BAIAP2: variants seen among roughly 807,000 people sequenced by gnomAD.
BAIAP2 encodes the protein BAR/IMD domain-containing adapter protein 2.
Under a neutral mutation model 63.0 loss-of-function variants are expected in BAIAP2, and 18 were observed. The observed-to-expected ratio is 0.29, with a 90% confidence interval of 0.20 to 0.42. The LOEUF (loss-of-function observed/expected upper bound fraction) is 0.42. Among genes scored for constraint, BAIAP2 ranks in the 10% least tolerant of loss-of-function variants. The pLI is 1.00. For missense variants in BAIAP2, 610 were observed against 734.3 expected, an observed-to-expected ratio of 0.83 and a Z score of 1.96; for synonymous variants, 386 against 307.6, an observed-to-expected ratio of 1.25 and a Z score of -2.67.
chr17:81,094,256 G>T (rs1429101756), intron 6 of BAIAP2, among the ~76,000 whole-genome samples: 1 of 152,172 alleles, frequency 6.6e-6, no homozygotes, highest in Non-Finnish European at 1.5e-5. Flanking sequence ...TGTGTGTCTA[G>T]CCCACTGGTG....
chr17:81,052,332 G>A (rs1388939709), intron 1 of BAIAP2, among the ~76,000 whole-genome samples: 1 of 152,282 alleles, frequency 6.6e-6, no homozygotes, highest in Non-Finnish European at 1.5e-5. Flanking sequence ...CTCTGTGCGA[G>A]CAGGGCTTTG....
rs1444533550 is a variant in BAIAP2 at position 81,084,770 on chromosome 17, A to G, written c.218-62A>G. On this transcript the variant is annotated intron_variant, in intron 3 of 13. Coordinates refer to ENST00000428708, the MANE Select transcript of BAIAP2 (RefSeq NM_001144888.2). Reference sequence around the variant, plus strand: ...TGGGTGGCTGTCAGCCCAGAGTGGGATGACGGTGGTGACTGCGAGCACCTG... The same window carrying G: ...TGGGTGGCTGTCAGCCCAGAGTGGGGTGACGGTGGTGACTGCGAGCACCTG... The G allele has an allele frequency of 3.9e-6, 6 of 1,527,374 alleles. No homozygotes were observed. The East Asian group carries it at 1.3e-4, about 34-fold the overall frequency. The allele number at this position is 1,527,374 out of a possible 1,614,324, so 94.6% of individuals were successfully genotyped here.
chr17:81,093,686 T>C (rs1040019751), intron 6 of BAIAP2, among the ~76,000 whole-genome samples: 1 of 152,104 alleles, frequency 6.6e-6, no homozygotes, highest in African/African-American at 2.4e-5. Context: ...CCCCTCCGGC[T>C]GCCCCCCATC....
chr17:81,063,268 C>G (rs2050902583), intron 3 of BAIAP2, among the ~76,000 whole-genome samples: 1 of 152,154 alleles, frequency 6.6e-6, no homozygotes, highest in Non-Finnish European at 1.5e-5. Flanking sequence ...TGTAGAGATT[C>G]CAGGCTTGGT....
intron 3 of BAIAP2, among the ~76,000 whole-genome samples, chr17:81,064,789 C>T (rs575869810): frequency 6.6e-6 from 1 of 151,660 alleles, no homozygotes; most frequent in African/African-American, 2.4e-5. Context: ...ACGGAAGGGC[C>T]TCCCGTCTTC....
intron 13 of BAIAP2, chr17:81,110,829 A>G: frequency 6.5e-7 from 1 of 1,541,882 alleles, no homozygotes; most frequent in South Asian, 1.1e-5. Context: ...GTCTCCTGGC[A>G]GCTCGCCCGT....
chr17:81,088,384 G>A (rs972857010), intron 6 of BAIAP2, among the ~76,000 whole-genome samples: 1 of 152,216 alleles, frequency 6.6e-6, no homozygotes, highest in African/African-American at 2.4e-5. Context: ...TGCTAACAGC[G>A]TTTTTGAGAT....
chr17:81,055,755 C>T lies in BAIAP2; in HGVS notation c.130+2012C>T, dbSNP rs1186263396. ...TAATTTTTTGTATTTTTAGTAGAGA[C>T]GGGGTTTCACTGTGTTAGCCAGGAT... is the stretch of plus-strand genomic sequence containing the variant. On this transcript the variant is annotated intron_variant, in intron 2 of 13. Transcript: ENST00000428708. Among the ~76,000 whole-genome samples, 8 of 151,750 alleles carry T rather than the reference C, an allele frequency of 5.3e-5. No individual in the cohort carries two copies. In the South Asian group the frequency reaches 6.3e-4, roughly 12 times the overall value.
At chr17:81,052,019 A>G (rs1297727897) in intron 1 of BAIAP2, among the ~76,000 whole-genome samples, 2 of 152,158 alleles carry the variant, frequency 1.3e-5, no homozygotes, top group Non-Finnish European at 2.9e-5. Context: ...TAGCTGGCCC[A>G]TCGTTCTGCT....
In BAIAP2 at chr17:81,113,297, G is replaced by A. The variant is rs536271414; in HGVS notation, c.1536-2473G>A. On this transcript the variant is annotated intron_variant, in intron 13 of 13. Coordinates refer to ENST00000428708, the MANE Select transcript of BAIAP2 (RefSeq NM_001144888.2). ...CTGGAGAGGTGCTGGTGGTGTCATT[G>A]GGTAGTTCGTGGCAATCGCTGCCCA... Among the ~76,000 whole-genome samples the A allele has an allele frequency of 5.1e-4, 78 of 152,346 alleles. 1 individual carries two copies. The highest frequency in any genetic ancestry group is 1.9e-3 in the African/African-American group (77 of 41,580).
intron 1 of BAIAP2, chr17:81,053,455 G>T: frequency 1.7e-6 from 1 of 592,698 alleles, no homozygotes; most frequent in Non-Finnish European, 3.0e-6. Flanking sequence ...CTTTGCACAG[G>T]TGTGAAAACC....
chr17:81,106,065 G>A lies in BAIAP2; in HGVS notation c.1269-13G>A. The A allele has an allele frequency of 6.4e-7, 1 of 1,568,344 alleles. No individual in the cohort carries two copies. The highest frequency in any genetic ancestry group is 8.6e-7 in the Non-Finnish European group (1 of 1,156,398). On this transcript the variant is annotated splice_polypyrimidine_tract_variant and intron_variant, in intron 10 of 13. Coordinates refer to ENST00000428708, the MANE Select transcript of BAIAP2 (RefSeq NM_001144888.2). The stretch of plus-strand genomic sequence containing the variant: ...GGGCTGAGCGTGGCTCTTACCTGGG[G>A]CCTCTCTTCCAGGCGGGGCTGGTTT...
intron 2 of BAIAP2, among the ~76,000 whole-genome samples, chr17:81,055,818 G>A (rs1303097537): frequency 3.9e-5 from 6 of 152,022 alleles, no homozygotes; most frequent in Non-Finnish European, 8.8e-5. Flanking sequence ...GCCCGCCTCA[G>A]CCTCCCAAAG....
At position 81,098,412 on chromosome 17, in the gene BAIAP2, C is replaced by CT. The variant is rs539081899; in HGVS notation, c.490-1512dup. ...TGGTCTGGCTTTGCTTGCACTACTT[C>CT]TTTTAAAGTTTTTTTTTTTTAAATT... On this transcript the variant is annotated intron_variant, in intron 6 of 13. Transcript: ENST00000428708. 2.6e-3 allele frequency among the ~76,000 whole-genome samples: 361 copies of CT among 139,972 alleles called. 2 individuals carry two copies. The highest frequency in any genetic ancestry group is 9.7e-3 in the African/African-American group (348 of 35,732). 91.8% of individuals were successfully genotyped at this position (139,972 alleles called of 152,430 possible). A position where few individuals can be genotyped will look rare whatever the true frequency, so the allele number is the denominator to read the frequency against.
intron 1 of BAIAP2, 40 bp from the exon 2 acceptor site, chr17:81,053,627 AC>A: frequency 6.2e-7 from 1 of 1,610,246 alleles, no homozygotes; most frequent in Non-Finnish European, 8.5e-7. Flanking sequence ...CACCAGGGTG[AC>A]CTCTGCCAGT....
chr17:81,070,604 C>T (rs554306919), intron 3 of BAIAP2, among the ~76,000 whole-genome samples: 1 of 152,330 alleles, frequency 6.6e-6, no homozygotes, highest in African/African-American at 2.4e-5. Flanking sequence ...GCCTGTCCCG[C>T]TGCAGCTGTG....
intron 10 of BAIAP2, chr17:81,105,762 C>T (rs971270175): frequency 1.4e-5 from 4 of 291,150 alleles, no homozygotes; most frequent in Admixed American, 5.0e-5. Context: ...TGGTGCCATC[C>T]GTGGCTTAGC....
chr17:81,084,690 C>A (rs1035683342), intron 3 of BAIAP2, 142 bp from the exon 4 acceptor site: 26 of 744,568 alleles, frequency 3.5e-5, no homozygotes, highest in Admixed American at 1.9e-5. Flanking sequence ...TCTCCGCCCT[C>A]CCTTCTGGCC....
intron 1 of BAIAP2, chr17:81,037,097 A>G: frequency 1.3e-6 from 1 of 767,934 alleles, no homozygotes; most frequent in South Asian, 1.7e-5. Flanking sequence ...ATCTGCTGGC[A>G]GGAAAACTCT....
Sources: gnomAD v4.1 joint callset for allele counts (sites outside exome capture counted in the v4.1 genomes callset) on GRCh38, gnomAD v4.1.1 for gene constraint, MANE v1.5 for transcripts, NCBI Gene and HGNC (gene_info 2026-07-23, HGNC 2026-07-21) for gene names.